The following ZNF362 variants were observed in gnomAD, a reference collection of about 807,000 sequenced individuals.
The protein encoded by ZNF362 is rotund homolog.
ZNF362 carries 11 observed loss-of-function variants against 42.9 expected under a neutral mutation model. The observed-to-expected ratio is 0.26, with a 90% CI of 0.16 to 0.42. ZNF362 has a LOEUF of 0.42. Ranked by LOEUF, ZNF362 falls within the 20% of genes least tolerant of loss-of-function variation. The pLI, the probability that ZNF362 is intolerant of heterozygous loss-of-function variation, is 1.00. For missense variants in ZNF362, 362 were observed against 576.2 expected, an observed-to-expected ratio of 0.63 and a Z score of 3.81; for synonymous variants, 255 against 257.3, an observed-to-expected ratio of 0.99 and a Z score of 0.09.
chr1:33,264,212 C>T (rs1645848773), intron 1 of ZNF362, among the ~76,000 whole-genome samples: 1 of 152,144 alleles, frequency 6.6e-6, no homozygotes, highest in Admixed American at 6.5e-5. Flanking sequence ...AGTTGGCTTT[C>T]CTGTTTTTAG....
the ZNF362 span, chr1:33,147,252 A>C: frequency 1.2e-6 from 2 of 1,614,104 alleles, no homozygotes; most frequent in South Asian, 2.2e-5. The surrounding 1 kb of genome is among the most constrained non-coding windows in gnomAD (Gnocchi z 8.1). Flanking sequence ...GGCTGAAGTA[A>C]GAGCAGAGCT....
chr1:33,248,758 C>T, the ZNF362 span, among the ~76,000 whole-genome samples: 1 of 152,198 alleles, frequency 6.6e-6, no homozygotes, highest in East Asian at 1.9e-4. Context: ...GGTTATTTTA[C>T]TGAGATTGAA....
the ZNF362 span, among the ~76,000 whole-genome samples, chr1:33,247,363 G>C: frequency 2.6e-5 from 4 of 152,252 alleles, no homozygotes; most frequent in Admixed American, 2.6e-4. Flanking sequence ...CGTGTGAATG[G>C]TTTGAGCCAG....
chr1:33,135,357 A>G, the ZNF362 span, among the ~76,000 whole-genome samples: 1 of 152,186 alleles, frequency 6.6e-6, no homozygotes, highest in Non-Finnish European at 1.5e-5. Flanking sequence ...CCTTCACGCT[A>G]TTCATGTGCT....
chr1:33,224,246 A>G, the ZNF362 span, among the ~76,000 whole-genome samples: 1 of 152,214 alleles, frequency 6.6e-6, no homozygotes, highest in Non-Finnish European at 1.5e-5. Flanking sequence ...AGAACTGGAA[A>G]CTATAGAAAT....
At chr1:33,236,550 AATATATATATAT>A in the ZNF362 span, among the ~76,000 whole-genome samples, 1 of 5,970 alleles carries the variant, frequency 1.7e-4, no homozygotes, top group Non-Finnish European at 3.7e-4. Flanking sequence ...AAAAAAAAAA[AATATATATATAT>A]ATATATATAT....
the ZNF362 span, among the ~76,000 whole-genome samples, chr1:33,180,495 G>C: frequency 4.6e-5 from 7 of 152,062 alleles, no homozygotes; most frequent in Non-Finnish European, 7.4e-5. Context: ...CACCTGTCCA[G>C]CACATTCTAG....
At chr1:33,136,040 A>G in the ZNF362 span, among the ~76,000 whole-genome samples, 2 of 151,814 alleles carry the variant, frequency 1.3e-5, no homozygotes, top group Non-Finnish European at 2.9e-5. Context: ...TGTCTGAGCA[A>G]ACATGGCCTT....
the ZNF362 span, among the ~76,000 whole-genome samples, chr1:33,149,656 T>G: frequency 1.3e-5 from 2 of 152,088 alleles, no homozygotes; most frequent in Admixed American, 1.3e-4. Context: ...GGTTTCGCAA[T>G]GTTGGCCAGG....
At chr1:33,263,925 C>G (rs1231431366) in intron 1 of ZNF362, among the ~76,000 whole-genome samples, 1 of 152,138 alleles carries the variant, frequency 6.6e-6, no homozygotes, top group Non-Finnish European at 1.5e-5. Flanking sequence ...CTGTTCCCCG[C>G]GAGCCATTTG....
At chr1:33,222,746 T>C in the ZNF362 span, among the ~76,000 whole-genome samples, 1 of 152,208 alleles carries the variant, frequency 6.6e-6, no homozygotes, top group Non-Finnish European at 1.5e-5. Flanking sequence ...CTTCTCATCA[T>C]TCAGTTTGGC....
At chr1:33,191,238 T>G in the ZNF362 span, among the ~76,000 whole-genome samples, 1 of 152,224 alleles carries the variant, frequency 6.6e-6, no homozygotes, top group Non-Finnish European at 1.5e-5. Flanking sequence ...AAATTAGTGG[T>G]GTAGTTTCTA....
chr1:33,213,736 T>C, the ZNF362 span, among the ~76,000 whole-genome samples: 1 of 152,022 alleles, frequency 6.6e-6, no homozygotes, highest in South Asian at 2.1e-4. Flanking sequence ...TCCCAGCTAC[T>C]TGGGAGGCTG....
At chr1:33,298,771 AC>A (rs1335965391) in intron 8 of ZNF362, among the ~76,000 whole-genome samples, 158 bp from the exon 9 acceptor site, 1 of 152,150 alleles carries the variant, frequency 6.6e-6, no homozygotes, top group Non-Finnish European at 1.5e-5. Context: ...TGTCTCTAGA[AC>A]CAATGGCCGA....
chr1:33,204,062 G>A, the ZNF362 span, among the ~76,000 whole-genome samples: 7 of 152,092 alleles, frequency 4.6e-5, no homozygotes, highest in African/African-American at 7.2e-5. Flanking sequence ...CAAAGTCAAG[G>A]AGCTTTTCCT....
At chr1:33,261,380 G>C (rs956892935) in intron 1 of ZNF362, 1 of 152,208 alleles carries the variant, frequency 6.6e-6, no homozygotes, top group Non-Finnish European at 1.5e-5. Flanking sequence ...CTGGGAAGTG[G>C]TGTTAGTGTC....
the ZNF362 span, among the ~76,000 whole-genome samples, chr1:33,215,635 T>C: frequency 6.6e-6 from 1 of 152,152 alleles, no homozygotes; most frequent in Non-Finnish European, 1.5e-5. Flanking sequence ...ACTCCATGAA[T>C]ATGGAGTATC....
chr1:33,129,515 A>C, the ZNF362 span, among the ~76,000 whole-genome samples: 1 of 152,200 alleles, frequency 6.6e-6, no homozygotes, highest in Non-Finnish European at 1.5e-5. The surrounding 1 kb of genome is among the most constrained non-coding windows in gnomAD (Gnocchi z 4.1). Context: ...GCATGGGATG[A>C]GTGTTACATA....
the ZNF362 span, among the ~76,000 whole-genome samples, chr1:33,207,637 G>T: frequency 6.6e-6 from 1 of 152,018 alleles, no homozygotes; most frequent in Non-Finnish European, 1.5e-5. Flanking sequence ...TTTAATGATC[G>T]CCATTCTAAC....
Sources: gnomAD v4.1 joint callset for allele counts (sites outside exome capture counted in the v4.1 genomes callset) on GRCh38, gnomAD v4.1.1 for gene constraint, Gnocchi (gnomAD v3.1) non-coding constraint, MANE v1.5 for transcripts, NCBI Gene and HGNC (gene_info 2026-07-23, HGNC 2026-07-21) for gene names.